Variants in LRP1B observed in about 807,000 individuals in gnomAD.
The protein encoded by LRP1B is LDL receptor related protein 1B.
In LRP1B, 217 loss-of-function variants were observed where a neutral mutation model predicts 556.6. The observed-to-expected ratio is 0.39, with a 90% CI of 0.35 to 0.44. LRP1B has a LOEUF of 0.44. Ranked by LOEUF, LRP1B falls within the 20% of genes least tolerant of loss-of-function variation. LRP1B has a pLI of 1.00. For synonymous variants in LRP1B, 2,047 were observed against 1,865.8 expected (o/e 1.10, Z -2.50); for missense variants, 5,053 against 5,620.8 (o/e 0.90, Z 3.23).
At chr2:141,151,312 G>A (rs1263198588) in intron 7 of LRP1B, among the ~76,000 whole-genome samples, 1 of 152,106 alleles carries the variant, frequency 6.6e-6, no homozygotes, top group Non-Finnish European at 1.5e-5. Flanking sequence ...CTGCCTACAA[G>A]TGATACAGGT....
chr2:140,371,111 T>C, intron 70 of LRP1B, 68 bp downstream of exon 70: 1 of 1,053,738 alleles, frequency 9.5e-7, no homozygotes, highest in Non-Finnish European at 1.4e-6. Context: ...CTCTTTATTT[T>C]CATTACATTT....
At chr2:141,310,152 C>T (rs1203767669) in intron 3 of LRP1B, among the ~76,000 whole-genome samples, 1 of 152,018 alleles carries the variant, frequency 6.6e-6, no homozygotes, top group African/African-American at 2.4e-5. Flanking sequence ...CAGTTTACTA[C>T]AACATAAAAG....
At chr2:141,281,694 G>A (rs944747848) in intron 3 of LRP1B, among the ~76,000 whole-genome samples, 110 of 151,822 alleles carry the variant, frequency 7.2e-4, no homozygotes, top group African/African-American at 2.5e-3. Flanking sequence ...AATATTCTAT[G>A]CCATAACACA....
chr2:140,410,326 G>A (rs1684918774), intron 66 of LRP1B, among the ~76,000 whole-genome samples: 2 of 151,610 alleles, frequency 1.3e-5, no homozygotes, highest in Admixed American at 6.6e-5. Flanking sequence ...TTCCTCATTG[G>A]CTGCATAGTC....
At chr2:141,688,559 T>C (rs548787849) in intron 2 of LRP1B, among the ~76,000 whole-genome samples, 1 of 151,842 alleles carries the variant, frequency 6.6e-6, no homozygotes, top group Non-Finnish European at 1.5e-5. Flanking sequence ...ATAATAATGA[T>C]GAAAGTGAAA....
intron 2 of LRP1B, among the ~76,000 whole-genome samples, chr2:141,495,657 C>A (rs1683483994): frequency 6.6e-6 from 1 of 151,992 alleles, no homozygotes; most frequent in African/African-American, 2.4e-5. Flanking sequence ...AATACCTTTA[C>A]TACATGGAAT....
At chr2:142,105,580 CAT>C (rs34199343) in intron 1 of LRP1B, among the ~76,000 whole-genome samples, 70,251 of 151,792 alleles carry the variant, frequency 0.46, 17,153 homozygotes, top group East Asian at 0.69. Flanking sequence ...AGCTGATAAA[CAT>C]ATGGTTCACA....
rs546071906 is a variant in LRP1B at position 140,258,142 on chromosome 2, T to C, written c.13248-10980A>G. Among the ~76,000 whole-genome samples the C allele has an allele frequency of 5.3e-5, 8 of 152,266 alleles. No homozygotes were observed. The South Asian group carries it at 1.7e-3, about 32-fold the overall frequency. On this transcript the variant is annotated intron_variant, in intron 86 of 90. Coordinates refer to ENST00000389484, the MANE Select transcript of LRP1B (RefSeq NM_018557.3). ...TCTCCAATACCTGTGCATTTTCTTA[T>C]GTATTACTCACCCTAAGGACTTGGA...
chr2:140,986,396 GC>G (rs1190693768), intron 17 of LRP1B, among the ~76,000 whole-genome samples: 2 of 152,118 alleles, frequency 1.3e-5, no homozygotes, highest in Non-Finnish European at 2.9e-5. Flanking sequence ...TTGAAGGTAT[GC>G]ACATCTTCAC....
intron 71 of LRP1B, among the ~76,000 whole-genome samples, chr2:140,365,068 C>G (rs940539604): frequency 6.6e-6 from 1 of 151,582 alleles, no homozygotes; most frequent in Non-Finnish European, 1.5e-5. Context: ...AAGTTATACT[C>G]TGCTTCACAT....
chr2:140,899,709 G>A (rs976801080), intron 23 of LRP1B, among the ~76,000 whole-genome samples: 5 of 152,126 alleles, frequency 3.3e-5, no homozygotes, highest in Non-Finnish European at 7.4e-5. Context: ...CTTTGTCAGA[G>A]AAGCACCAAT....
chr2:141,903,132 T>C (rs7566248), intron 1 of LRP1B, among the ~76,000 whole-genome samples: 130,708 of 151,600 alleles, frequency 0.86, 56,520 homozygotes, highest in East Asian at 1. Flanking sequence ...TTCCTAATTA[T>C]AGTAATGTCT....
At chr2:140,996,466 G>T (rs1054238609) in intron 15 of LRP1B, among the ~76,000 whole-genome samples, 2 of 152,024 alleles carry the variant, frequency 1.3e-5, no homozygotes, top group Non-Finnish European at 2.9e-5. Flanking sequence ...CAAAGCATTT[G>T]TTTTATAATT....
chr2:140,762,183 C>T (rs184140697), intron 35 of LRP1B, among the ~76,000 whole-genome samples: 93 of 151,650 alleles, frequency 6.1e-4, no homozygotes, highest in Non-Finnish European at 4.9e-4. Context: ...CATTATGAAA[C>T]GATTAGGGAT....
At chr2:140,550,341 G>C (rs1259931699) in intron 43 of LRP1B, among the ~76,000 whole-genome samples, 1 of 152,102 alleles carries the variant, frequency 6.6e-6, no homozygotes, top group Non-Finnish European at 1.5e-5. Context: ...AGTACTCAAA[G>C]TGACAGGCGC....
chr2:140,819,193 G>A (rs1691233473), intron 31 of LRP1B, among the ~76,000 whole-genome samples: 1 of 150,446 alleles, frequency 6.6e-6, no homozygotes, highest in Admixed American at 6.7e-5. Context: ...ATATTTATGA[G>A]TGGTATAAAT....
intron 32 of LRP1B, among the ~76,000 whole-genome samples, chr2:140,812,450 C>T (rs16844818): frequency 0.01 from 1,523 of 152,092 alleles, 22 homozygotes; most frequent in African/African-American, 0.036. Context: ...TGTTCACCTT[C>T]ATCTAGATAT....
At chr2:141,464,606 A>ATATATATATTTTTTT in intron 3 of LRP1B, among the ~76,000 whole-genome samples, 3 of 90,560 alleles carry the variant, frequency 3.3e-5, no homozygotes, top group African/African-American at 1.3e-4. Context: ...ATATATATAT[A>ATATATATATTTTTTT]TTTTTTTAGT....
intron 7 of LRP1B, among the ~76,000 whole-genome samples, chr2:141,187,417 T>C (rs1308872818): frequency 6.6e-6 from 1 of 151,992 alleles, no homozygotes; most frequent in Non-Finnish European, 1.5e-5. Context: ...TGGAGGCTTA[T>C]GGCAGTTTAG....
Sources: gnomAD v4.1 joint callset for allele counts (sites outside exome capture counted in the v4.1 genomes callset) on GRCh38, gnomAD v4.1.1 for gene constraint, MANE v1.5 for transcripts, NCBI Gene and HGNC (gene_info 2026-07-23, HGNC 2026-07-21) for gene names.